Variants in ELOVL5 observed in about 807,000 individuals in gnomAD.
ELOVL5 encodes ELOVL fatty acid elongase 5, also known as very long chain fatty acid elongase 5.
Under a neutral mutation model 38.6 loss-of-function variants are expected in ELOVL5, and 8 were observed. The observed-to-expected ratio is 0.21, with a 90% CI of 0.12 to 0.37. The LOEUF (loss-of-function observed/expected upper bound fraction) is 0.37, where lower values mean the gene tolerates loss of function less well. Among genes scored for constraint, ELOVL5 ranks in the 10% least tolerant of loss-of-function variants. The pLI is 1.00. For missense variants in ELOVL5, 280 were observed against 367.8 expected (o/e 0.76, Z 1.95); for synonymous variants, 127 against 133.7 (o/e 0.95, Z 0.34).
chr6:53,305,376 GC>G (rs1182696850), intron 1 of ELOVL5, among the ~76,000 whole-genome samples: 1 of 104,522 alleles, frequency 9.6e-6, no homozygotes, highest in Admixed American at 7.6e-5. Context: ...CCTGGCGGGG[GC>G]TGACCCCCCC....
intron 1 of ELOVL5, among the ~76,000 whole-genome samples, chr6:53,315,767 C>G (rs777320452): frequency 6.6e-6 from 1 of 152,078 alleles, no homozygotes; most frequent in African/African-American, 2.4e-5. Context: ...CCCAGTAGTC[C>G]CCAAGTTAAA....
intron 2 of ELOVL5, chr6:53,294,449 G>A (rs1192586389): frequency 6.4e-7 from 1 of 1,550,552 alleles, no homozygotes; most frequent in Non-Finnish European, 8.7e-7. Context: ...TCCTACAACT[G>A]TGTGAAGTGG....
chr6:53,269,450 C>CT lies in ELOVL5; in HGVS notation c.757-181dup, dbSNP rs3215545. 0.014 allele frequency among the ~76,000 whole-genome samples: 2,091 copies of CT among 147,294 alleles called. 39 individuals are homozygous for CT. Among genetic ancestry groups the CT allele is most frequent in the African/African-American group, 0.04 (1,629 of 40,464 alleles). The stretch of plus-strand genomic sequence containing the variant: ...TTGTCACTGGTTTCAATCATTCTTC[C>CT]TTTTTTTTTTTGAGGCTTAGCCTGA... On this transcript the variant is annotated intron_variant, in intron 7 of 7. Coordinates refer to ENST00000304434, the MANE Select transcript of ELOVL5 (RefSeq NM_021814.5).
intron 3 of ELOVL5, among the ~76,000 whole-genome samples, chr6:53,284,324 G>C (rs1244555146): frequency 6.7e-6 from 1 of 150,268 alleles, no homozygotes; most frequent in East Asian, 2.0e-4. Flanking sequence ...TAAAAAAAAA[G>C]GTAGAAATAA....
chr6:53,283,226 G>A (rs1427470290), intron 3 of ELOVL5, among the ~76,000 whole-genome samples: 1 of 152,148 alleles, frequency 6.6e-6, no homozygotes, highest in Non-Finnish European at 1.5e-5. Context: ...TATAATGCGA[G>A]GGAGGTCCCC....
chr6:53,283,541 T>TG lies in ELOVL5; in HGVS notation c.247-7286dup, dbSNP rs535201313. Among the ~76,000 whole-genome samples the TG allele has an allele frequency of 1.3e-3, 199 of 152,082 alleles. 1 individual carries two copies. Among genetic ancestry groups the TG allele is most frequent in the African/African-American group, 4.3e-3 (180 of 41,468 alleles). ...ATCACTGTCATCTAATCTATATCAC[T>TG]GGGGGGGACAATACTTCCATGTTAT... On this transcript the variant is annotated intron_variant, in intron 3 of 7. Coordinates refer to ENST00000304434, the MANE Select transcript of ELOVL5 (RefSeq NM_021814.5).
chr6:53,324,480 A>T (rs1768437116), intron 1 of ELOVL5, among the ~76,000 whole-genome samples: 1 of 151,850 alleles, frequency 6.6e-6, no homozygotes, highest in African/African-American at 2.4e-5. Context: ...GTTTGAGACC[A>T]GCCTGGGCAA....
At chr6:53,289,723 CA>C (rs1268145406) in intron 3 of ELOVL5, among the ~76,000 whole-genome samples, 1 of 152,126 alleles carries the variant, frequency 6.6e-6, no homozygotes, top group Admixed American at 6.5e-5. Flanking sequence ...TGTCTCAAAA[CA>C]AACAAACAGA....
chr6:53,275,167 G>A lies in ELOVL5; in HGVS notation c.419C>T (p.Thr140Met). The A allele has an allele frequency of 1.2e-6, 2 of 1,614,166 alleles. No homozygotes were observed. The highest frequency in any genetic ancestry group is 1.7e-6 in the Non-Finnish European group (2 of 1,180,006). ...FILRKNNHQI[T>M]VLHVYHHASM... ...GGCATGGTGGTAGACGTGCAGGACCGTGATCTGGTGGTTGTTCTTGCGCAG... is the reference window on the plus strand; with the variant it reads ...GGCATGGTGGTAGACGTGCAGGACCATGATCTGGTGGTTGTTCTTGCGCAG... The change falls in exon 5 of 8, where the codon ACG becomes ATG. Residue 140 changes from threonine to methionine, a missense_variant. Coordinates refer to ENST00000304434, the MANE Select transcript of ELOVL5 (RefSeq NM_021814.5).
chr6:53,300,313 C>G (rs957082209), intron 1 of ELOVL5, among the ~76,000 whole-genome samples: 3 of 152,180 alleles, frequency 2.0e-5, no homozygotes, highest in African/African-American at 7.2e-5. Context: ...ACCATGTACT[C>G]ATTTTTCATT....
chr6:53,306,208 AAGGGGAGAGGGGAG>A lies in ELOVL5; in HGVS notation c.-8-10515_-8-10502del, dbSNP rs752307767. 8.6e-4 allele frequency among the ~76,000 whole-genome samples: 32 copies of A among 37,390 alleles called. 1 individual carries two copies. The African/African-American group carries it at 9.6e-3, about 11-fold the overall frequency. 24.5% of individuals were successfully genotyped at this position (37,390 alleles called of 152,430 possible). ...GGGAGACCGTGGAAAGGGGAGGAGA[AAGGGGAGAGGGGAG>A]AGGGGAGAGGGGAGAGGGAGAGGGG... On this transcript the variant is annotated intron_variant, in intron 1 of 7. Transcript: ENST00000304434.
In ELOVL5 at chr6:53,279,172, C is replaced by A. The variant is rs752604060; in HGVS notation, c.247-2916G>T. 1.2e-4 allele frequency among the ~76,000 whole-genome samples: 19 copies of A among 152,194 alleles called. 1 individual carries two copies. Among genetic ancestry groups the A allele is most frequent in the Admixed American group, 1.0e-3 (16 of 15,290 alleles). ...GTCCTCAAATGGGATAAACATAAGG[C>A]TCCCACCATGAAGTACATAATGCCT... On this transcript the variant is annotated intron_variant, in intron 3 of 7. Coordinates refer to ENST00000304434, the MANE Select transcript of ELOVL5 (RefSeq NM_021814.5).
chr6:53,288,538 C>G (rs1290304838), intron 3 of ELOVL5, among the ~76,000 whole-genome samples: 1 of 152,092 alleles, frequency 6.6e-6, no homozygotes, highest in African/African-American at 2.4e-5. Flanking sequence ...GGATCTATGA[C>G]CTTTTTCCTG....
At chr6:53,288,070 G>T (rs1766640522) in intron 3 of ELOVL5, 2 of 790,090 alleles carry the variant, frequency 2.5e-6, no homozygotes, top group Non-Finnish European at 2.1e-6. Flanking sequence ...GAAACCACCT[G>T]TAACACTCTA....
chr6:53,333,536 A>C (rs1206820275), intron 1 of ELOVL5, among the ~76,000 whole-genome samples: 1 of 152,186 alleles, frequency 6.6e-6, no homozygotes, highest in Non-Finnish European at 1.5e-5. Flanking sequence ...CACTCAGTTT[A>C]TGTTTTCAGG....
At chr6:53,275,445 A>C (rs1766074896) in intron 4 of ELOVL5, among the ~76,000 whole-genome samples, 184 bp from the exon 5 acceptor site, 1 of 152,200 alleles carries the variant, frequency 6.6e-6, no homozygotes. Context: ...CTTTAACCAA[A>C]GAACATGATT....
intron 1 of ELOVL5, among the ~76,000 whole-genome samples, chr6:53,335,170 A>G (rs2127592848): frequency 6.6e-6 from 1 of 152,300 alleles, no homozygotes; most frequent in Admixed American, 6.5e-5. Flanking sequence ...CAACCAGATT[A>G]GTACACTCTC....
At position 53,301,468 on chromosome 6, in the gene ELOVL5, C is replaced by G. The variant is rs143279221; in HGVS notation, c.-8-5761G>C. 1.4e-3 allele frequency among the ~76,000 whole-genome samples: 220 copies of G among 152,286 alleles called. No individual in the cohort carries two copies. The East Asian group carries it at 0.018, about 13-fold the overall frequency. On this transcript the variant is annotated intron_variant, in intron 1 of 7. Transcript: ENST00000304434. ...CACACTGACAGGAAAATGGACAGGGCTGGGAGTGGCCAGCACTTCCCAGGA... is the reference window on the plus strand; with the variant it reads ...CACACTGACAGGAAAATGGACAGGGGTGGGAGTGGCCAGCACTTCCCAGGA...
chr6:53,302,574 C>T lies in ELOVL5; in HGVS notation c.-8-6867G>A, dbSNP rs186693396. Among the ~76,000 whole-genome samples, 8 of 152,104 alleles carry T rather than the reference C, an allele frequency of 5.3e-5. No homozygotes were observed. In the East Asian group the frequency reaches 1.5e-3, roughly 29 times the overall value. ...GGTAGGAGAGAGTGACAAAGCTGCC[C>T]AGCAAAGGAAAAGTACTGGGATCTT... On this transcript the variant is annotated intron_variant, in intron 1 of 7. Transcript: ENST00000304434.
Sources: allele counts gnomAD v4.1 joint callset (sites outside exome capture counted in the v4.1 genomes callset), GRCh38; gene constraint gnomAD v4.1.1; transcripts MANE v1.5; gene names NCBI Gene and HGNC (gene_info 2026-07-23, HGNC 2026-07-21).